Variants in RRP15 observed in about 807,000 individuals in gnomAD.
RRP15 encodes the protein ribosomal RNA processing 15 homolog.
In RRP15, 18 loss-of-function variants were observed where a neutral mutation model predicts 27.1. The ratio of observed to expected loss-of-function variants is 0.66; its 90% CI spans 0.46 to 0.98. RRP15 has a LOEUF of 0.98. Ranked by LOEUF, RRP15 falls within the 50% of genes least tolerant of loss-of-function variation. RRP15 has a pLI of 0.00. For synonymous variants in RRP15, 107 were observed against 109.4 expected, an observed-to-expected ratio of 0.98 and a Z score of 0.14; for missense variants, 359 against 337.8, an observed-to-expected ratio of 1.06 and a Z score of -0.49.
Position 218,285,473 on chromosome 1 carries a change from A to G in RRP15, c.139+18A>G. ...TAGTGAAGGTAATGTGGTAGGGCTG[A>G]GCTTTGGTGTCTGGGAGGAAAGGCG... On this transcript the variant is annotated intron_variant, in intron 1 of 4. Coordinates refer to ENST00000366932, the MANE Select transcript of RRP15 (RefSeq NM_016052.4). 3 of 1,613,272 alleles carry G rather than the reference A, an allele frequency of 1.9e-6. No homozygotes were observed. In the South Asian group the frequency reaches 3.3e-5, roughly 18 times the overall value.
intron 4 of RRP15, among the ~76,000 whole-genome samples, chr1:218,317,565 A>T (rs1656109186): frequency 6.6e-6 from 1 of 152,152 alleles, no homozygotes; most frequent in Non-Finnish European, 1.5e-5. Flanking sequence ...AAGTTATGAA[A>T]CTCATAAAAC....
At chr1:218,308,062 C>CTTTTTTTTTTTT (rs56813511) in intron 4 of RRP15, among the ~76,000 whole-genome samples, 18 of 66,906 alleles carry the variant, frequency 2.7e-4, no homozygotes, top group East Asian at 4.9e-4. Flanking sequence ...TTCTTTCTTT[C>CTTTTTTTTTTTT]TTTTTTTTTT....
chr1:218,293,066 C>T (rs1251725544), intron 1 of RRP15, among the ~76,000 whole-genome samples: 2 of 150,762 alleles, frequency 1.3e-5, no homozygotes, highest in Non-Finnish European at 2.9e-5. Flanking sequence ...GTATGTTGCC[C>T]ATGCTGGTGT....
intron 1 of RRP15, among the ~76,000 whole-genome samples, chr1:218,299,777 A>G (rs937852156): frequency 1.3e-5 from 2 of 152,160 alleles, no homozygotes; most frequent in African/African-American, 4.8e-5. Context: ...GTGTAATGCT[A>G]CTGACTCTGA....
intron 4 of RRP15, among the ~76,000 whole-genome samples, chr1:218,326,579 A>G (rs1656276638): frequency 6.6e-6 from 1 of 152,200 alleles, no homozygotes. Flanking sequence ...CTTAAATTTC[A>G]CTGTAGGGTT....
intron 1 of RRP15, among the ~76,000 whole-genome samples, chr1:218,292,531 G>T (rs1357385267): frequency 3.3e-5 from 5 of 151,908 alleles, no homozygotes; most frequent in Non-Finnish European, 5.9e-5. Context: ...GAGTGTGCAT[G>T]TAGGGAGACT....
chr1:218,327,559 C>T (rs1656294216), intron 4 of RRP15, among the ~76,000 whole-genome samples: 1 of 152,190 alleles, frequency 6.6e-6, no homozygotes, highest in African/African-American at 2.4e-5. Flanking sequence ...CCGCCTCAGC[C>T]TCCCAAACTC....
Position 218,331,651 on chromosome 1 carries a change from C to CTTTTTTTTTTTTTTTTTTTTT in RRP15, c.*579_*599dup, listed in dbSNP as rs34150523. The CTTTTTTTTTTTTTTTTTTTTT allele has an allele frequency of 2.8e-5, 1 of 35,614 alleles. No individual in the cohort carries two copies. The highest frequency in any genetic ancestry group is 5.7e-5 in the Non-Finnish European group (1 of 17,532). The allele number at this position is 35,614 out of a possible 1,614,324, so 2.2% of individuals were successfully genotyped here. A position where few individuals can be genotyped will look rare whatever the true frequency, so the allele number is the denominator to read the frequency against. ...TGATTTAAGAAACAACAGATTTCAA[C>CTTTTTTTTTTTTTTTTTTTTT]TTTTTTTTTTTTTTTTTTTTTTTTT... On this transcript the variant is annotated 3_prime_UTR_variant, in exon 5 of 5. Coordinates refer to ENST00000366932, the MANE Select transcript of RRP15 (RefSeq NM_016052.4).
At chr1:218,305,615 G>A (rs1214700676) in intron 3 of RRP15, among the ~76,000 whole-genome samples, 1 of 152,178 alleles carries the variant, frequency 6.6e-6, no homozygotes, top group Non-Finnish European at 1.5e-5. Flanking sequence ...GTCATCTGTA[G>A]GAATTACAGT....
At chr1:218,291,521 A>C (rs1655640477) in intron 1 of RRP15, among the ~76,000 whole-genome samples, 1 of 148,302 alleles carries the variant, frequency 6.7e-6, no homozygotes, top group African/African-American at 2.5e-5. Context: ...GAAATCATTG[A>C]ATTTTCCTTT....
chr1:218,304,162 C>T (rs1373484006), intron 2 of RRP15, among the ~76,000 whole-genome samples: 9 of 151,922 alleles, frequency 5.9e-5, no homozygotes, highest in African/African-American at 1.9e-4. Context: ...TTCATTAATA[C>T]AAAATGAGAA....
rs146281838 is a variant in RRP15 at position 218,328,502 on chromosome 1, A to C, written c.706-2446A>C. Among the ~76,000 whole-genome samples, 4 of 152,204 alleles carry C rather than the reference A, an allele frequency of 2.6e-5. No individual in the cohort carries two copies. The East Asian group carries it at 7.7e-4, about 29-fold the overall frequency. ...ATGGTGAAACCCCATCTCTACTAAA[A>C]ATACAAAAAGATAAGCCAGGCATGG... On this transcript the variant is annotated intron_variant, in intron 4 of 4. Coordinates refer to ENST00000366932, the MANE Select transcript of RRP15 (RefSeq NM_016052.4).
chr1:218,323,970 C>G (rs1357593023), intron 4 of RRP15, among the ~76,000 whole-genome samples: 1 of 152,200 alleles, frequency 6.6e-6, no homozygotes, highest in Non-Finnish European at 1.5e-5. Flanking sequence ...AGAGTGCAGC[C>G]ATACCTAGGT....
rs1656472873 is a variant in RRP15, at chr1:218,337,809, T to C, written c.*6718T>C. ...CTGTTTAATAGAGCATTATTGATAT[T>C]AGCTGTATTAGATGACTGTATGAAG... On this transcript the variant is annotated 3_prime_UTR_variant, in exon 5 of 5. Transcript: ENST00000366932. The C allele has an allele frequency of 6.6e-6, 1 of 152,170 alleles. No individual in the cohort carries two copies. Among genetic ancestry groups the C allele is most frequent in the Admixed American group, 6.5e-5 (1 of 15,274 alleles). The allele number at this position is 152,170 out of a possible 1,614,324, so 9.4% of individuals were successfully genotyped here. A position where few individuals can be genotyped will look rare whatever the true frequency, so the allele number is the denominator to read the frequency against.
rs192651958 is a variant in RRP15, at chr1:218,336,768, A to G, written c.*5677A>G. The G allele has an allele frequency of 6.6e-6, 1 of 152,320 alleles. No individual in the cohort carries two copies. Among genetic ancestry groups the G allele is most frequent in the Non-Finnish European group, 1.5e-5 (1 of 68,024 alleles). 9.4% of individuals were successfully genotyped at this position (152,320 alleles called of 1,614,324 possible). A position where few individuals can be genotyped will look rare whatever the true frequency, so the allele number is the denominator to read the frequency against. On this transcript the variant is annotated 3_prime_UTR_variant, in exon 5 of 5. Transcript: ENST00000366932. The stretch of plus-strand genomic sequence containing the variant: ...CTGGGTTCTCTTAAGTATATTATAA[A>G]TATAAAAGCTCAAAGTCCAAAAGGT...
Position 218,329,484 on chromosome 1 carries a change from T to A in RRP15, c.706-1464T>A, listed in dbSNP as rs989254508. The stretch of plus-strand genomic sequence containing the variant: ...TAGAATTTCAGTTTTAAGAGTAGGT[T>A]TGATATTGTAGAAATAAATGAAAAG... On this transcript the variant is annotated intron_variant, in intron 4 of 4. Coordinates refer to ENST00000366932, the MANE Select transcript of RRP15 (RefSeq NM_016052.4). 2.0e-5 allele frequency among the ~76,000 whole-genome samples: 3 copies of A among 152,112 alleles called. No individual in the cohort carries two copies. The East Asian group carries it at 5.8e-4, about 29-fold the overall frequency.
chr1:218,306,325 G>A (rs999082846), intron 3 of RRP15, among the ~76,000 whole-genome samples: 7 of 152,088 alleles, frequency 4.6e-5, no homozygotes, highest in East Asian at 1.9e-4. Context: ...ATGGATGCCC[G>A]CATGTGCAAT....
intron 4 of RRP15, among the ~76,000 whole-genome samples, chr1:218,316,821 A>G (rs1558209584): frequency 6.6e-6 from 1 of 152,220 alleles, no homozygotes; most frequent in Non-Finnish European, 1.5e-5. Context: ...AAAGTTGGAA[A>G]CCAATTTGAA....
At chr1:218,302,017 G>T in intron 1 of RRP15, 1 of 366,000 alleles carries the variant, frequency 2.7e-6, no homozygotes, top group Non-Finnish European at 4.9e-6. Flanking sequence ...TAAGGACGTG[G>T]CAGAGGCTGT....
Sources: gnomAD v4.1 joint callset for allele counts (sites outside exome capture counted in the v4.1 genomes callset) on GRCh38, gnomAD v4.1.1 for gene constraint, MANE v1.5 for transcripts, NCBI Gene and HGNC (gene_info 2026-07-23, HGNC 2026-07-21) for gene names.